PSMA6: variants seen among roughly 807,000 people sequenced by gnomAD.
PSMA6 encodes the protein proteasome 20S subunit alpha 6.
For missense variants in PSMA6, 170 were observed against 294.8 expected, an observed-to-expected ratio of 0.58 and a Z score of 3.10; for synonymous variants, 88 against 97.7, an observed-to-expected ratio of 0.90 and a Z score of 0.59.
chr14:35,292,158 C>T (rs746195820), upstream of PSMA6, among the ~76,000 whole-genome samples: 1 of 152,214 alleles, frequency 6.6e-6, no homozygotes, highest in Non-Finnish European at 1.5e-5. Flanking sequence ...TTCGTCCTTG[C>T]TATAGTCAAT....
Position 35,308,437 on chromosome 14 carries a change from AAAG to A in PSMA6, c.171+352_171+354del, listed in dbSNP as rs1234313153. 7 of 186,208 alleles carry A rather than the reference AAAG, an allele frequency of 3.8e-5. No homozygotes were observed. In the South Asian group the frequency reaches 4.7e-4, roughly 13 times the overall value. 11.5% of individuals were successfully genotyped at this position (186,208 alleles called of 1,614,324 possible). A position where few individuals can be genotyped will look rare whatever the true frequency, so the allele number is the denominator to read the frequency against. The stretch of plus-strand genomic sequence containing the variant: ...ACTCCGTCTCAAAAAAAAAAAGAAA[AAAG>A]AAAAGAAAAAAGAATTTTTCATGGG... On this transcript the variant is annotated intron_variant, in intron 2 of 6. Coordinates refer to ENST00000261479, the MANE Select transcript of PSMA6 (RefSeq NM_002791.3).
chr14:35,313,574 A>G (rs2051984525), intron 5 of PSMA6: 1 of 152,322 alleles, frequency 6.6e-6, no homozygotes, highest in African/African-American at 2.4e-5. Flanking sequence ...TAAAGGAGAT[A>G]AAAAGCTAGT....
At chr14:35,312,357 A>T (rs906168322) in intron 4 of PSMA6, among the ~76,000 whole-genome samples, 1 of 151,918 alleles carries the variant, frequency 6.6e-6, no homozygotes, top group Non-Finnish European at 1.5e-5. Flanking sequence ...AACACAAAAA[A>T]TTAGCTGGGC....
upstream of PSMA6, among the ~76,000 whole-genome samples, chr14:35,291,322 G>A: frequency 6.6e-6 from 1 of 151,240 alleles, no homozygotes; most frequent in East Asian, 2.0e-4. Flanking sequence ...GGTTCACGCC[G>A]TTCTCCTGCC....
At chr14:35,291,682 T>G (rs10131625), upstream of PSMA6, among the ~76,000 whole-genome samples, 40,598 of 151,642 alleles carry the variant, frequency 0.27, 7,292 homozygotes, top group African/African-American at 0.51. Flanking sequence ...AATTAGCCGG[T>G]CCTGGTGGCA....
chr14:35,308,052 A>G lies in PSMA6; in HGVS notation c.135A>G (p.Lys45=), dbSNP rs776513938. Residue 45 remains lysine, a synonymous_variant, in exon 2 of 7, where the codon AAA becomes AAG. Transcript: ENST00000261479. ...GGLTSVAVRG[K]DCAVIVTQKK... ...TTACATCAGTAGCTGTCAGAGGGAA[A>G]GACTGTGCAGTAATTGTCACACAGA... 7 of 1,613,902 alleles carry G rather than the reference A, an allele frequency of 4.3e-6. No homozygotes were observed. In the East Asian group the frequency reaches 1.3e-4, roughly 31 times the overall value.
At chr14:35,292,862 C>T in intron 1 of PSMA6, 1 of 523,320 alleles carries the variant, frequency 1.9e-6, no homozygotes, top group Admixed American at 2.5e-5. Flanking sequence ...TGTATTCTGT[C>T]CTGGCCAGGC....
chr14:35,290,240 T>TA (rs1253779805), upstream of PSMA6, among the ~76,000 whole-genome samples: 15 of 152,298 alleles, frequency 9.8e-5, no homozygotes, highest in Admixed American at 7.2e-4. Context: ...GCTGTGAGAC[T>TA]AAGTTCATCC....
intron 1 of PSMA6, among the ~76,000 whole-genome samples, chr14:35,294,508 A>T (rs180958212): frequency 2.6e-5 from 4 of 152,318 alleles, no homozygotes; most frequent in Non-Finnish European, 5.9e-5. Context: ...GCTCCATACT[A>T]CCTGATCTGG....
intron 1 of PSMA6, among the ~76,000 whole-genome samples, chr14:35,295,499 T>A (rs963996613): frequency 5.3e-5 from 8 of 151,334 alleles, no homozygotes; most frequent in African/African-American, 1.9e-4. Flanking sequence ...TTGCCCAGGC[T>A]GGAGTGCAAT....
chr14:35,279,329 G>A (rs2138698042), intron 1 of PSMA6, among the ~76,000 whole-genome samples: 1 of 152,264 alleles, frequency 6.6e-6, no homozygotes, highest in East Asian at 1.9e-4. Flanking sequence ...TTACAGGCAT[G>A]AGCCACTGCA....
chr14:35,292,201 G>A (rs908044588), upstream of PSMA6: 137 of 811,614 alleles, frequency 1.7e-4, 1 homozygote, highest in Middle Eastern at 4.4e-4. Context: ...AAAGCGCCAC[G>A]ACCCAAGTTT....
At chr14:35,296,491 C>T (rs960075469) in intron 1 of PSMA6, among the ~76,000 whole-genome samples, 8 of 152,132 alleles carry the variant, frequency 5.3e-5, no homozygotes, top group South Asian at 2.1e-4. Context: ...CCACCATGCC[C>T]GGCTAGTTTT....
At chr14:35,294,559 C>G (rs958240384) in intron 1 of PSMA6, among the ~76,000 whole-genome samples, 1 of 152,146 alleles carries the variant, frequency 6.6e-6, no homozygotes, top group Non-Finnish European at 1.5e-5. Context: ...GTTTCTCTTT[C>G]CAAAGTTGGG....
At chr14:35,293,657 ATCT>A (rs1253842120) in intron 1 of PSMA6, among the ~76,000 whole-genome samples, 1 of 152,256 alleles carries the variant, frequency 6.6e-6, no homozygotes, top group East Asian at 1.9e-4. Flanking sequence ...AGCAAGAAAC[ATCT>A]TGTTGGATAA....
intron 1 of PSMA6, among the ~76,000 whole-genome samples, chr14:35,281,908 T>A (rs1422019601): frequency 6.6e-6 from 1 of 152,210 alleles, no homozygotes; most frequent in Non-Finnish European, 1.5e-5. Context: ...TTTTTCTACC[T>A]ACATCCACGC....
chr14:35,281,507 C>T (rs868206465), intron 1 of PSMA6, among the ~76,000 whole-genome samples: 8 of 152,142 alleles, frequency 5.3e-5, no homozygotes, highest in Admixed American at 4.6e-4. Context: ...TCTGACATAC[C>T]CCGTGATGCC....
rs943457140 is a variant in PSMA6, at chr14:35,283,819, C to G, written c.19+5101C>G. Among the ~76,000 whole-genome samples, 4 of 152,200 alleles carry G rather than the reference C, an allele frequency of 2.6e-5. No homozygotes were observed. The East Asian group carries it at 7.7e-4, about 29-fold the overall frequency. On this transcript the variant is annotated intron_variant, in intron 1 of 6. Transcript: ENST00000540871. ...CTGGGCTCAAGCAATCCTCCCAACT[C>G]GGCCTCCCAAAGTGCTAGGATTATA...
At chr14:35,280,539 G>C (rs2051355617) in intron 1 of PSMA6, among the ~76,000 whole-genome samples, 1 of 144,882 alleles carries the variant, frequency 6.9e-6, no homozygotes, top group African/African-American at 2.6e-5. Context: ...GTGCCACCAT[G>C]CCCACCTAAT....
Sources: gnomAD v4.1 joint callset for allele counts (sites outside exome capture counted in the v4.1 genomes callset) on GRCh38, gnomAD v4.1.1 for gene constraint, MANE v1.5 for transcripts, NCBI Gene and HGNC (gene_info 2026-07-23, HGNC 2026-07-21) for gene names.